The following ENOX1 variants were observed in gnomAD, a reference collection of about 807,000 sequenced individuals.
ENOX1 encodes the protein ecto-NOX disulfide-thiol exchanger 1, also known as candidate growth-related and time keeping constitutive hydroquinone (NADH) oxidase.
A neutral mutation model predicts 82.5 loss-of-function variants in ENOX1; 42 were observed. The observed-to-expected ratio is 0.51, with a 90% CI of 0.40 to 0.66. The LOEUF is 0.66. ENOX1 is among the 30% of genes least tolerant of loss of function. The probability of loss-of-function intolerance (pLI) is 0.00; values close to 1 mark genes in which losing one functional copy is unlikely to be tolerated. For synonymous variants in ENOX1, 271 were observed against 282.2 expected (o/e 0.96, Z 0.40); for missense variants, 608 against 811.6 (o/e 0.75, Z 3.05).
At chr13:43,468,339 A>C (rs1433573391) in intron 3 of ENOX1, among the ~76,000 whole-genome samples, 2 of 151,494 alleles carry the variant, frequency 1.3e-5, no homozygotes, top group Non-Finnish European at 2.9e-5. Flanking sequence ...ATGCCACCAC[A>C]CCCAGCTAAT....
chr13:43,723,421 G>A (rs2088710156), intron 1 of ENOX1, among the ~76,000 whole-genome samples: 1 of 152,080 alleles, frequency 6.6e-6, no homozygotes, highest in South Asian at 2.1e-4. Context: ...AGCCTTGTAA[G>A]TACTCTGTAT....
chr13:43,657,172 G>A (rs893743430), intron 2 of ENOX1, among the ~76,000 whole-genome samples: 7 of 152,218 alleles, frequency 4.6e-5, no homozygotes, highest in African/African-American at 1.7e-4. Flanking sequence ...AGGGCAAAAG[G>A]TCTGGAAGAT....
At chr13:43,446,310 A>G (rs944504741) in intron 3 of ENOX1, among the ~76,000 whole-genome samples, 6 of 152,106 alleles carry the variant, frequency 3.9e-5, no homozygotes, top group Non-Finnish European at 7.4e-5. Context: ...CATGCCAGAC[A>G]CTGTCTTAAT....
intron 1 of ENOX1, among the ~76,000 whole-genome samples, chr13:43,676,457 G>A (rs73479962): frequency 6.6e-6 from 1 of 152,104 alleles, no homozygotes; most frequent in African/African-American, 2.4e-5. Flanking sequence ...TCAGAGCTGT[G>A]AGGACTCCCA....
chr13:43,552,524 C>T (rs1443131268), intron 2 of ENOX1, among the ~76,000 whole-genome samples: 3 of 152,036 alleles, frequency 2.0e-5, no homozygotes, highest in South Asian at 2.1e-4. Context: ...ATACATTCTC[C>T]TCCCTTTTTA....
intron 3 of ENOX1, among the ~76,000 whole-genome samples, chr13:43,446,608 C>G (rs921571741): frequency 1.3e-5 from 2 of 152,182 alleles, no homozygotes; most frequent in Admixed American, 6.5e-5. Flanking sequence ...CATGGCTATT[C>G]TGCCTTCTGG....
intron 9 of ENOX1, among the ~76,000 whole-genome samples, chr13:43,327,710 T>C (rs1044371522): frequency 4.6e-5 from 7 of 152,148 alleles, no homozygotes; most frequent in Admixed American, 2.6e-4. Flanking sequence ...TCTTCTGGTG[T>C]CCAAAGAATG....
intron 14 of ENOX1, among the ~76,000 whole-genome samples, chr13:43,264,689 A>G (rs1298176585): frequency 6.6e-6 from 1 of 152,236 alleles, no homozygotes; most frequent in African/African-American, 2.4e-5. Flanking sequence ...ATAATCAAAT[A>G]CAGATATCAG....
rs915041355 is a variant in ENOX1 at position 43,213,377 on chromosome 13, G to A, written c.*613C>T. ...ATTCTTGATAAAGCATTCTCAATGT[G>A]TCCAATCATATTTTCTGCCTCTTCA... On this transcript the variant is annotated 3_prime_UTR_variant, in exon 17 of 17. Coordinates refer to ENST00000690772, the MANE Select transcript of ENOX1 (RefSeq NM_001347969.2). 2 of 152,024 alleles carry A rather than the reference G, an allele frequency of 1.3e-5. No individual in the cohort carries two copies. The highest frequency in any genetic ancestry group is 4.8e-5 in the African/African-American group (2 of 41,412). The allele number at this position is 152,024 out of a possible 1,614,324, so 9.4% of individuals were successfully genotyped here. A position where few individuals can be genotyped will look rare whatever the true frequency, so the allele number is the denominator to read the frequency against.
At chr13:43,263,154 G>T (rs900840051) in intron 14 of ENOX1, among the ~76,000 whole-genome samples, 26 of 152,210 alleles carry the variant, frequency 1.7e-4, no homozygotes, top group Admixed American at 1.7e-3. Flanking sequence ...TCCAAAAGGA[G>T]ACAAAGTTCA....
At chr13:43,271,666 AAC>A (rs5803169) in intron 12 of ENOX1, among the ~76,000 whole-genome samples, 13,211 of 149,884 alleles carry the variant, frequency 0.088, 716 homozygotes, top group Non-Finnish European at 0.13. Context: ...CTTCTATTAA[AAC>A]ACACACACAC....
At chr13:43,396,605 T>A (rs758758675) in intron 5 of ENOX1, among the ~76,000 whole-genome samples, 2 of 152,068 alleles carry the variant, frequency 1.3e-5, no homozygotes, top group Non-Finnish European at 2.9e-5. Context: ...GGTCTCGAAC[T>A]CCTGACCTCA....
At chr13:43,467,798 CATTTAA>C (rs2057802973) in intron 3 of ENOX1, among the ~76,000 whole-genome samples, 1 of 152,256 alleles carries the variant, frequency 6.6e-6, no homozygotes, top group African/African-American at 2.4e-5. Flanking sequence ...TTAGCTTTTA[CATTTAA>C]ATCTTGGATC....
At chr13:43,259,355 G>A (rs2043926560) in intron 14 of ENOX1, among the ~76,000 whole-genome samples, 1 of 152,152 alleles carries the variant, frequency 6.6e-6, no homozygotes. Context: ...ACAGGTCAAG[G>A]GCAGCAAGGA....
intron 9 of ENOX1, among the ~76,000 whole-genome samples, chr13:43,342,374 T>C (rs563020135): frequency 3.2e-4 from 49 of 152,226 alleles, no homozygotes; most frequent in African/African-American, 1.2e-3. Context: ...ATGGCAGATA[T>C]ATAAAAAGTA....
chr13:43,601,882 G>A (rs1050873984), intron 2 of ENOX1, among the ~76,000 whole-genome samples: 27 of 152,110 alleles, frequency 1.8e-4, no homozygotes, highest in African/African-American at 6.5e-4. Flanking sequence ...TAGGCCAGAA[G>A]AGTGTGAAAT....
chr13:43,627,970 C>T (rs1221322762), intron 2 of ENOX1, among the ~76,000 whole-genome samples: 1 of 152,050 alleles, frequency 6.6e-6, no homozygotes, highest in East Asian at 1.9e-4. Context: ...TCAGGAGAAA[C>T]ACGCTGTCCT....
intron 1 of ENOX1, among the ~76,000 whole-genome samples, chr13:43,768,701 T>C (rs1026948994): frequency 2.6e-5 from 4 of 152,234 alleles, no homozygotes; most frequent in Non-Finnish European, 4.4e-5. Context: ...AAAACATACA[T>C]ACACCATATT....
intron 2 of ENOX1, among the ~76,000 whole-genome samples, chr13:43,630,891 A>G (rs1446219348): frequency 6.6e-6 from 1 of 150,994 alleles, no homozygotes; most frequent in East Asian, 2.0e-4. Flanking sequence ...ATACACATAT[A>G]TATACACGCA....
Sources: gnomAD v4.1 joint callset for allele counts (sites outside exome capture counted in the v4.1 genomes callset) on GRCh38, gnomAD v4.1.1 for gene constraint, MANE v1.5 for transcripts, NCBI Gene and HGNC (gene_info 2026-07-23, HGNC 2026-07-21) for gene names.